LRRC9: variants seen among roughly 807,000 people sequenced by gnomAD.
The protein encoded by LRRC9 is leucine-rich repeat-containing protein 9.
Under a neutral mutation model 63.2 loss-of-function variants are expected in LRRC9, and 122 were observed. That is an observed-to-expected ratio of 1.93 (90% CI 1.67 to 2.24). The LOEUF (loss-of-function observed/expected upper bound fraction) is 2.24, where lower values mean the gene tolerates loss of function less well. Ranked by LOEUF, LRRC9 falls within the 30% of genes most tolerant of loss-of-function variation. The probability of loss-of-function intolerance (pLI) is 0.00; values close to 1 mark genes in which losing one functional copy is unlikely to be tolerated. For missense variants in LRRC9, 1,071 were observed against 627.7 expected (o/e 1.71, Z -7.55); for synonymous variants, 366 against 213.1 (o/e 1.72, Z -6.25).
chr14:59,965,724 A>C (rs1884767568), intron 10 of LRRC9, among the ~76,000 whole-genome samples: 1 of 151,566 alleles, frequency 6.6e-6, no homozygotes, highest in Admixed American at 6.6e-5. Flanking sequence ...TGTATTAAAA[A>C]CACAAAAAAT....
At chr14:59,977,869 A>C (rs1276142071) in intron 14 of LRRC9, 148 bp from the exon 15 acceptor site, 3 of 509,110 alleles carry the variant, frequency 5.9e-6, no homozygotes, top group African/African-American at 1.9e-5. Flanking sequence ...TGAGTTTGTT[A>C]TTTATTTAAA....
intron 7 of LRRC9, 104 bp from the exon 8 acceptor site, chr14:59,944,485 C>A: frequency 2.4e-6 from 1 of 420,198 alleles, no homozygotes; most frequent in Non-Finnish European, 4.2e-6. Flanking sequence ...GCATGCAAAT[C>A]ATCTAAATTG....
rs2140430996 is a variant in LRRC9 at position 60,051,701 on chromosome 14, T to C, written c.3991-1364T>C. 6.6e-6 allele frequency among the ~76,000 whole-genome samples: 1 copy of C among 152,330 alleles called. No individual in the cohort carries two copies. Among genetic ancestry groups the C allele is most frequent in the East Asian group, 1.9e-4 (1 of 5,168 alleles). On this transcript the variant is annotated intron_variant, in intron 29 of 31. Coordinates refer to ENST00000445360, the Ensembl canonical transcript of LRRC9. The surrounding 1 kb of genome is among the most constrained non-coding windows in gnomAD (Gnocchi z 4.7). ...TAGGGGAATGTACAGACAGATCTAC[T>C]GCCTTGCCAGAATCCCGGCGCTGGA...
chr14:59,949,540 C>T (rs1356323905), intron 8 of LRRC9, among the ~76,000 whole-genome samples: 1 of 151,274 alleles, frequency 6.6e-6, no homozygotes, highest in Non-Finnish European at 1.5e-5. Flanking sequence ...TTATTTCTTG[C>T]CTTCTGCTAG....
rs1412765471 is a variant in LRRC9 at position 60,058,915 on chromosome 14, G to A, written c.4276+893G>A. The stretch of plus-strand genomic sequence containing the variant: ...ATTTTTCATACTTATATGGCATTAT[G>A]ACTTCCAGGTTTTAATAATAATGAA... On this transcript the variant is annotated intron_variant, in intron 31 of 31. Coordinates refer to ENST00000445360, the Ensembl canonical transcript of LRRC9. This position sits in a 1 kb window ranked among gnomAD's most constrained non-coding sequence, Gnocchi z 4.4. 2 of 152,106 alleles carry A rather than the reference G, an allele frequency of 1.3e-5. No homozygotes were observed. Among genetic ancestry groups the A allele is most frequent in the East Asian group, 3.8e-4 (2 of 5,198 alleles). 9.4% of individuals were successfully genotyped at this position (152,106 alleles called of 1,614,324 possible). A position where few individuals can be genotyped will look rare whatever the true frequency, so the allele number is the denominator to read the frequency against.
rs1884920424 is a variant in LRRC9 at position 59,966,908 on chromosome 14, G to C, written c.1388+143G>C. 6 of 555,054 alleles carry C rather than the reference G, an allele frequency of 1.1e-5. No individual in the cohort carries two copies. Among genetic ancestry groups the C allele is most frequent in the African/African-American group, 1.9e-5 (1 of 53,390 alleles). The allele number at this position is 555,054 out of a possible 1,614,324, so 34.4% of individuals were successfully genotyped here. A position where few individuals can be genotyped will look rare whatever the true frequency, so the allele number is the denominator to read the frequency against. Reference sequence around the variant, plus strand: ...CCTTTTTATGCATCTCCCATGGCCAGGATGACCTCATAATTTATCCACATT... The same window carrying C: ...CCTTTTTATGCATCTCCCATGGCCACGATGACCTCATAATTTATCCACATT... On this transcript the variant is annotated intron_variant, in intron 11 of 31. Coordinates refer to ENST00000445360, the Ensembl canonical transcript of LRRC9. This position sits in a 1 kb window ranked among gnomAD's most constrained non-coding sequence, Gnocchi z 4.0.
intron 12 of LRRC9, chr14:59,969,175 T>A (rs1018278633): frequency 6.6e-6 from 1 of 152,202 alleles, no homozygotes; most frequent in Non-Finnish European, 1.5e-5. Flanking sequence ...ATTTTTGAAT[T>A]TTTACAATTG....
rs951971097 is a variant in LRRC9 at position 59,923,699 on chromosome 14, G to A, written c.-34+3816G>A. Among the ~76,000 whole-genome samples, 1 of 152,232 alleles carries A rather than the reference G, an allele frequency of 6.6e-6. No homozygotes were observed. The highest frequency in any genetic ancestry group is 2.4e-5 in the African/African-American group (1 of 41,458). The stretch of plus-strand genomic sequence containing the variant: ...GTAGGCTCACGCCTCCCAGCACTCT[G>A]GGAAGCTGAGGTGGGTGGATCACGA... On this transcript the variant is annotated intron_variant, in intron 1 of 31. Coordinates refer to ENST00000445360, the Ensembl canonical transcript of LRRC9. This position sits in a 1 kb window ranked among gnomAD's most constrained non-coding sequence, Gnocchi z 4.2.
chr14:60,026,611 G>T (rs966490754), intron 27 of LRRC9, among the ~76,000 whole-genome samples: 17 of 152,076 alleles, frequency 1.1e-4, no homozygotes, highest in African/African-American at 3.6e-4. Flanking sequence ...TGCTTTGGTT[G>T]CCTGTGCTTT....
chr14:60,060,631 C>T lies in LRRC9; in HGVS notation c.4276+2609C>T, dbSNP rs1894596000. On this transcript the variant is annotated intron_variant, in intron 31 of 31. Coordinates refer to ENST00000445360, the Ensembl canonical transcript of LRRC9. The surrounding 1 kb of genome is among the most constrained non-coding windows in gnomAD (Gnocchi z 4.0). ...TGGCGGGCGCCTGTAGTCCCAGCTACTCGGGAGGCTGAGTCAAGAGAATGG... is the reference window on the plus strand; with the variant it reads ...TGGCGGGCGCCTGTAGTCCCAGCTATTCGGGAGGCTGAGTCAAGAGAATGG... Among the ~76,000 whole-genome samples the T allele has an allele frequency of 6.6e-6, 1 of 152,084 alleles. No individual in the cohort carries two copies. Among genetic ancestry groups the T allele is most frequent in the East Asian group, 1.9e-4 (1 of 5,190 alleles).
chr14:60,007,165 A>T (rs1367334200), intron 22 of LRRC9, among the ~76,000 whole-genome samples: 1 of 152,136 alleles, frequency 6.6e-6, no homozygotes, highest in Non-Finnish European at 1.5e-5. Context: ...CCTTTTGCTG[A>T]TACAATATTA....
At chr14:60,032,620 C>T (rs75371234) in intron 29 of LRRC9, among the ~76,000 whole-genome samples, 7,211 of 152,086 alleles carry the variant, frequency 0.047, 236 homozygotes, top group Non-Finnish European at 0.071. Context: ...CCTTGTTCAC[C>T]CAATTTCTAA....
chr14:60,021,905 A>G (rs911245313), intron 26 of LRRC9, among the ~76,000 whole-genome samples: 2 of 151,946 alleles, frequency 1.3e-5, no homozygotes, highest in Non-Finnish European at 2.9e-5. Context: ...AAAAAATTTT[A>G]AAATCAGTGA....
chr14:60,059,378 A>C (rs1200886812), intron 31 of LRRC9, among the ~76,000 whole-genome samples: 2 of 152,210 alleles, frequency 1.3e-5, no homozygotes, highest in Admixed American at 1.3e-4. Context: ...ATGACTTCTA[A>C]GGAAGGAAGA....
chr14:59,960,831 C>G (rs1884274168), intron 9 of LRRC9, 83 bp from the exon 10 acceptor site: 1 of 488,836 alleles, frequency 2.0e-6, no homozygotes, highest in Non-Finnish European at 3.6e-6. Context: ...GTTTTAACAT[C>G]AGTTAAAAAA....
intron 8 of LRRC9, among the ~76,000 whole-genome samples, chr14:59,952,175 G>A (rs557842387): frequency 1.3e-4 from 19 of 151,478 alleles, no homozygotes; most frequent in South Asian, 8.4e-4. Context: ...AGGACCCTCC[G>A]AGCCAGGTGT....
At chr14:59,928,212 G>C (rs1388695915) in intron 2 of LRRC9, 56 bp from the exon 3 acceptor site, 4 of 563,966 alleles carry the variant, frequency 7.1e-6, no homozygotes, top group Non-Finnish European at 9.3e-6. Context: ...AATGGTAAAA[G>C]TCATCTTTTA....
In LRRC9 at chr14:60,053,535, GA is replaced by G. The variant is rs556239768; in HGVS notation, c.4131+333del. On this transcript the variant is annotated intron_variant, in intron 30 of 31. Coordinates refer to ENST00000445360, the Ensembl canonical transcript of LRRC9. The surrounding 1 kb of genome is among the most constrained non-coding windows in gnomAD (Gnocchi z 4.8). ...TATGTCAGATGATGCTAGAACATAG[GA>G]AACTATAACATATCACTTTCATAAA... 1.3e-3 allele frequency among the ~76,000 whole-genome samples: 200 copies of G among 152,150 alleles called. 4 individuals carry two copies. Among genetic ancestry groups the G allele is most frequent in the Admixed American group, 0.012 (188 of 15,276 alleles).
rs1353073375 is a variant in LRRC9 at position 59,978,011 on chromosome 14, C to A, written c.1763-6C>A. 2 of 694,518 alleles carry A rather than the reference C, an allele frequency of 2.9e-6. No homozygotes were observed. The highest frequency in any genetic ancestry group is 5.3e-6 in the Non-Finnish European group (2 of 380,298). 43.0% of individuals were successfully genotyped at this position (694,518 alleles called of 1,614,324 possible). ...TTTGCTTTGCTTGTTTTTGCTTTTA[C>A]TCTAGATTCTGTCATGGGACAAAGA... On this transcript the variant is annotated splice_region_variant and splice_polypyrimidine_tract_variant and intron_variant, in intron 14 of 31. Coordinates refer to ENST00000445360, the Ensembl canonical transcript of LRRC9.
Sources: gnomAD v4.1 joint callset for allele counts (sites outside exome capture counted in the v4.1 genomes callset) on GRCh38, gnomAD v4.1.1 for gene constraint, Gnocchi (gnomAD v3.1) non-coding constraint, MANE v1.5 for transcripts, NCBI Gene and HGNC (gene_info 2026-07-23, HGNC 2026-07-21) for gene names.